The following IL2RA variants were observed in gnomAD, a reference collection of about 807,000 sequenced individuals.
IL2RA encodes the protein interleukin-2 receptor subunit alpha.
A neutral mutation model predicts 37.8 loss-of-function variants in IL2RA; 24 were observed. The observed-to-expected ratio is 0.63, with a 90% CI of 0.46 to 0.89. The LOEUF (loss-of-function observed/expected upper bound fraction) is 0.89, where lower values mean the gene tolerates loss of function less well. Ranked by LOEUF, IL2RA falls within the 40% of genes least tolerant of loss-of-function variation. The probability of loss-of-function intolerance (pLI) is 0.00; values close to 1 mark genes in which losing one functional copy is unlikely to be tolerated. For missense variants in IL2RA, 319 were observed against 348.6 expected (o/e 0.92, Z 0.68); for synonymous variants, 125 against 114.6 (o/e 1.09, Z -0.58).
At position 6,033,313 on chromosome 10, in the gene IL2RA, AAAC is replaced by A. The variant is rs1839630409; in HGVS notation, c.65-7291_65-7289del. Among the ~76,000 whole-genome samples, 6 of 142,140 alleles carry A rather than the reference AAAC, an allele frequency of 4.2e-5. No individual in the cohort carries two copies. In the South Asian group the frequency reaches 1.1e-3, roughly 26 times the overall value. The allele number at this position is 142,140 out of a possible 152,430, so 93.2% of individuals were successfully genotyped here. ...CTCAAAAACAAACAAAGAAACAAAC[AAAC>A]AACAACAAAAAAAAAACAAAAAAAG... On this transcript the variant is annotated intron_variant, in intron 1 of 7. Coordinates refer to ENST00000379959, the MANE Select transcript of IL2RA (RefSeq NM_000417.3). This position sits in a 1 kb window ranked among gnomAD's most constrained non-coding sequence, Gnocchi z 4.3.
rs1341975056 is a variant in IL2RA, at chr10:6,010,965, C to G, written c.*1907G>C. 2 of 152,266 alleles carry G rather than the reference C, an allele frequency of 1.3e-5. No homozygotes were observed. The highest frequency in any genetic ancestry group is 2.9e-5 in the Non-Finnish European group (2 of 68,030). The allele number at this position is 152,266 out of a possible 1,614,324, so 9.4% of individuals were successfully genotyped here. On this transcript the variant is annotated 3_prime_UTR_variant, in exon 8 of 8. Transcript: ENST00000379959. ...TTTTCTGGTCTGAGATTCTTTTCAACTTTACTCAGAAAACATATACCTGAA... is the reference window on the plus strand; with the variant it reads ...TTTTCTGGTCTGAGATTCTTTTCAAGTTTACTCAGAAAACATATACCTGAA...
In IL2RA at chr10:6,054,499, T is replaced by C. The variant is rs1840012278; in HGVS notation, c.64+7589A>G. On this transcript the variant is annotated intron_variant, in intron 1 of 7. Coordinates refer to ENST00000379959, the MANE Select transcript of IL2RA (RefSeq NM_000417.3). The surrounding 1 kb of genome is among the most constrained non-coding windows in gnomAD (Gnocchi z 4.5). ...TGTCTGTCTGAGCAAAAGTATTCGT[T>C]TTTGTCCGAGAATCTGAGACTCATT... Among the ~76,000 whole-genome samples the C allele has an allele frequency of 6.6e-6, 1 of 152,082 alleles. No individual in the cohort carries two copies. Among genetic ancestry groups the C allele is most frequent in the South Asian group, 2.1e-4 (1 of 4,824 alleles).
Position 6,032,489 on chromosome 10 carries a change from G to A in IL2RA, c.65-6464C>T, listed in dbSNP as rs576469455. Among the ~76,000 whole-genome samples, 48 of 151,958 alleles carry A rather than the reference G, an allele frequency of 3.2e-4. No homozygotes were observed. In the South Asian group the frequency reaches 7.7e-3, roughly 24 times the overall value. On this transcript the variant is annotated intron_variant, in intron 1 of 7. Transcript: ENST00000379959. ...GGGCAGATCACAAGGTCAGGAGATG[G>A]AGACCATCCTGGCTAACACGGTGAA... is the stretch of plus-strand genomic sequence containing the variant.
intron 1 of IL2RA, chr10:6,039,411 T>C (rs1258731578): frequency 6.6e-6 from 1 of 152,214 alleles, no homozygotes; most frequent in Non-Finnish European, 1.5e-5. Context: ...ACTATCATAA[T>C]GAGAAATTTT....
rs906906503 is a variant in IL2RA at position 6,022,963 on chromosome 10, A to G, written c.368-1270T>C. ...GAAGGAGTAAGAGCATCATGTTGCA[A>G]CTGTGCCCCTAGATTAGTCTGTTTT... On this transcript the variant is annotated intron_variant, in intron 3 of 7. Coordinates refer to ENST00000379959, the MANE Select transcript of IL2RA (RefSeq NM_000417.3). This position sits in a 1 kb window ranked among gnomAD's most constrained non-coding sequence, Gnocchi z 4.7. 6.6e-6 allele frequency among the ~76,000 whole-genome samples: 1 copy of G among 152,242 alleles called. No homozygotes were observed. The highest frequency in any genetic ancestry group is 2.4e-5 in the African/African-American group (1 of 41,462).
intron 1 of IL2RA, among the ~76,000 whole-genome samples, chr10:6,052,903 C>G (rs1311339377): frequency 1.3e-5 from 2 of 151,996 alleles, no homozygotes; most frequent in Non-Finnish European, 2.9e-5. Flanking sequence ...CCAAGCTGCT[C>G]TGGGGGTAGA....
At chr10:6,023,893 C>T (rs140119079) in intron 3 of IL2RA, among the ~76,000 whole-genome samples, 4 of 152,212 alleles carry the variant, frequency 2.6e-5, no homozygotes, top group South Asian at 2.1e-4. Context: ...GGGCAGGGAT[C>T]GTTGTCACAC....
Position 6,015,066 on chromosome 10 carries a change from TTTTCTTTTTC to T in IL2RA, c.795-2180_795-2171del, listed in dbSNP as rs1048041475. 2.6e-5 allele frequency among the ~76,000 whole-genome samples: 4 copies of T among 151,588 alleles called. No individual in the cohort carries two copies. The highest frequency in any genetic ancestry group is 9.7e-5 in the African/African-American group (4 of 41,240). On this transcript the variant is annotated intron_variant, in intron 7 of 7. Coordinates refer to ENST00000379959, the MANE Select transcript of IL2RA (RefSeq NM_000417.3). This position sits in a 1 kb window ranked among gnomAD's most constrained non-coding sequence, Gnocchi z 4.9. ...ACAGAGGGAGTTTCTAGAGTTTACT[TTTTCTTTTTC>T]TTTCTTTTCTTTTTTCTTTCTTTCT...
At position 6,021,755 on chromosome 10, in the gene IL2RA, T is replaced by A. The variant is rs1839391706; in HGVS notation, c.368-62A>T. On this transcript the variant is annotated intron_variant, in intron 3 of 7. Coordinates refer to ENST00000379959, the MANE Select transcript of IL2RA (RefSeq NM_000417.3). This position sits in a 1 kb window ranked among gnomAD's most constrained non-coding sequence, Gnocchi z 4.9. ...GGACAGCACCGCGAGTGAGTCCAGG[T>A]TGCCTCTTGCTAGGGACTGGACCTT... The A allele has an allele frequency of 7.2e-7, 1 of 1,380,964 alleles. No homozygotes were observed. The highest frequency in any genetic ancestry group is 1.0e-6 in the Non-Finnish European group (1 of 971,674). The allele number at this position is 1,380,964 out of a possible 1,614,324, so 85.5% of individuals were successfully genotyped here. A position where few individuals can be genotyped will look rare whatever the true frequency, so the allele number is the denominator to read the frequency against.
In IL2RA at chr10:6,044,214, C is replaced by T. The variant is rs371072644; in HGVS notation, c.64+17874G>A. Among the ~76,000 whole-genome samples, 7 of 152,330 alleles carry T rather than the reference C, an allele frequency of 4.6e-5. No homozygotes were observed. Among genetic ancestry groups the T allele is most frequent in the East Asian group, 3.9e-4 (2 of 5,186 alleles). On this transcript the variant is annotated intron_variant, in intron 1 of 7. Transcript: ENST00000379959. The surrounding 1 kb of genome is among the most constrained non-coding windows in gnomAD (Gnocchi z 4.5). ...GCGAGCCCCGAGGTGGGGCTTAGCC[C>T]GCAAGGGTTCTTGGCTTTGCCCAGG...
chr10:6,017,682 C>T (rs1254831923), intron 7 of IL2RA, among the ~76,000 whole-genome samples: 2 of 145,678 alleles, frequency 1.4e-5, no homozygotes, highest in Non-Finnish European at 3.0e-5. Context: ...TTCAAGCAAT[C>T]TTCCTGCCTC....
intron 1 of IL2RA, among the ~76,000 whole-genome samples, chr10:6,060,382 G>C (rs894634697): frequency 9.9e-5 from 15 of 151,918 alleles, no homozygotes; most frequent in Non-Finnish European, 2.9e-5. Flanking sequence ...TCAGGTGATG[G>C]GTGCACCAAA....
At chr10:6,059,685 C>A (rs964835002) in intron 1 of IL2RA, among the ~76,000 whole-genome samples, 1 of 152,106 alleles carries the variant, frequency 6.6e-6, no homozygotes, top group Non-Finnish European at 1.5e-5. Context: ...CACATTGGAC[C>A]ACCTGCTGCT....
Position 6,043,331 on chromosome 10 carries a change from C to A in IL2RA, c.65-17306G>T, listed in dbSNP as rs185453690. Among the ~76,000 whole-genome samples the A allele has an allele frequency of 4.6e-5, 7 of 152,270 alleles. No individual in the cohort carries two copies. The East Asian group carries it at 1.3e-3, about 29-fold the overall frequency. ...GTAGTGTATATTGCATCATGAGATA[C>A]AGCCCAGATTCAAGAGAGCAATTAC... On this transcript the variant is annotated intron_variant, in intron 1 of 7. Coordinates refer to ENST00000379959, the MANE Select transcript of IL2RA (RefSeq NM_000417.3).
intron 1 of IL2RA, among the ~76,000 whole-genome samples, chr10:6,030,199 A>G (rs1471438835): frequency 1.3e-5 from 2 of 152,226 alleles, no homozygotes; most frequent in Non-Finnish European, 2.9e-5. Flanking sequence ...CCAATGATAG[A>G]GAAGAGAAAG....
At position 6,021,712 on chromosome 10, in the gene IL2RA, G is replaced by T. The variant is rs765352295; in HGVS notation, c.368-19C>A. On this transcript the variant is annotated intron_variant, in intron 3 of 7. Transcript: ENST00000379959. The surrounding 1 kb of genome is among the most constrained non-coding windows in gnomAD (Gnocchi z 4.9). ...CAGTGACCTGGAAGATGGAAGGAAT[G>T]CTCTGAAGGCAAGTTGGGGACAGCA... 1.1e-5 allele frequency: 18 copies of T among 1,607,894 alleles called. No homozygotes were observed. Among genetic ancestry groups the T allele is most frequent in the African/African-American group, 5.3e-5 (4 of 74,812 alleles).
rs1319714166 is a variant in IL2RA at position 6,056,717 on chromosome 10, G to A, written c.64+5371C>T. 6.6e-6 allele frequency among the ~76,000 whole-genome samples: 1 copy of A among 151,946 alleles called. No homozygotes were observed. Among genetic ancestry groups the A allele is most frequent in the Admixed American group, 6.6e-5 (1 of 15,260 alleles). The stretch of plus-strand genomic sequence containing the variant: ...TGCAGTGAGTTGAGATTGCACCACT[G>A]TGCTCTAGCCTGGGCGACAGAGCGA... On this transcript the variant is annotated intron_variant, in intron 1 of 7. Coordinates refer to ENST00000379959, the MANE Select transcript of IL2RA (RefSeq NM_000417.3). The surrounding 1 kb of genome is among the most constrained non-coding windows in gnomAD (Gnocchi z 5.0).
rs41294691 is a variant in IL2RA, at chr10:6,023,037, T to C, written c.367+1207A>G. On this transcript the variant is annotated intron_variant, in intron 3 of 7. Coordinates refer to ENST00000379959, the MANE Select transcript of IL2RA (RefSeq NM_000417.3). ...TAAGTAAATTCAAACTCTTTTAAAA[T>C]AAGTAATCAGCAGAAAGTTTCCTCA... is the stretch of plus-strand genomic sequence containing the variant. 2.4e-3 allele frequency among the ~76,000 whole-genome samples: 366 copies of C among 152,338 alleles called. 2 individuals carry two copies. The highest frequency in any genetic ancestry group is 3.4e-3 in the Non-Finnish European group (231 of 68,022).
chr10:6,052,781 G>A lies in IL2RA; in HGVS notation c.64+9307C>T, dbSNP rs373972778. ...AGAGTGGGTGATTCTGTGGGCAGAGGTGGCAATTCCTGAATGTGGTATGGT... is the reference window on the plus strand; with the variant it reads ...AGAGTGGGTGATTCTGTGGGCAGAGATGGCAATTCCTGAATGTGGTATGGT... On this transcript the variant is annotated intron_variant, in intron 1 of 7. Transcript: ENST00000379959. Among the ~76,000 whole-genome samples, 14 of 152,306 alleles carry A rather than the reference G, an allele frequency of 9.2e-5. No individual in the cohort carries two copies. In the South Asian group the frequency reaches 1.5e-3, roughly 16 times the overall value.
Sources: gnomAD v4.1 joint callset for allele counts (sites outside exome capture counted in the v4.1 genomes callset) on GRCh38, gnomAD v4.1.1 for gene constraint, Gnocchi (gnomAD v3.1) non-coding constraint, MANE v1.5 for transcripts, NCBI Gene and HGNC (gene_info 2026-07-23, HGNC 2026-07-21) for gene names.